The following MMP26 variants were observed in gnomAD, a reference collection of about 807,000 sequenced individuals.
MMP26 encodes matrix metallopeptidase 26, also known as matrix metalloproteinase-26.
A neutral mutation model predicts 31.0 loss-of-function variants in MMP26; 33 were observed. The ratio of observed to expected loss-of-function variants is 1.06; its 90% CI spans 0.81 to 1.42. The LOEUF is 1.42. Among genes scored for constraint, MMP26 ranks in the 40% most tolerant of loss-of-function variants. MMP26 has a pLI of 0.00. For synonymous variants in MMP26, 122 were observed against 114.9 expected, an observed-to-expected ratio of 1.06 and a Z score of -0.40; for missense variants, 347 against 316.1, an observed-to-expected ratio of 1.10 and a Z score of -0.74.
chr11:4,892,842 A>C (rs1205312747), intron 2 of MMP26, among the ~76,000 whole-genome samples: 1 of 152,178 alleles, frequency 6.6e-6, no homozygotes, highest in Non-Finnish European at 1.5e-5. Context: ...AACTGTTCAG[A>C]TCTGTTCCAA....
At chr11:4,825,012 T>A (rs781157247) in intron 2 of MMP26, among the ~76,000 whole-genome samples, 1 of 152,088 alleles carries the variant, frequency 6.6e-6, no homozygotes. Flanking sequence ...AAAATGTTAA[T>A]AAAAATCCTC....
chr11:4,838,179 G>T lies in MMP26; in HGVS notation c.-145+70838G>T, dbSNP rs1276654699. On this transcript the variant is annotated intron_variant, in intron 2 of 7. Transcript: ENST00000380390. ...AAAAATACAAAAAAATTAGCCGGGC[G>T]TGGTGGTGGGTGCCCGTAGTCCCAG... Among the ~76,000 whole-genome samples, 3 of 150,542 alleles carry T rather than the reference G, an allele frequency of 2.0e-5. No individual in the cohort carries two copies. In the Middle Eastern group the frequency reaches 0.011, roughly 530 times the overall value.
At chr11:4,969,922 G>C (rs139209473) in intron 2 of MMP26, among the ~76,000 whole-genome samples, 1 of 152,098 alleles carries the variant, frequency 6.6e-6, no homozygotes, top group Non-Finnish European at 1.5e-5. Flanking sequence ...GGAATTTTAG[G>C]AATATTTCAT....
At chr11:4,725,665 T>C (rs1848089241) in intron 1 of MMP26, among the ~76,000 whole-genome samples, 1 of 152,222 alleles carries the variant, frequency 6.6e-6, no homozygotes, top group South Asian at 2.1e-4. Flanking sequence ...GTTAAGATTT[T>C]ATTCACTCTC....
intron 2 of MMP26, among the ~76,000 whole-genome samples, chr11:4,868,699 C>T (rs1279960475): frequency 6.6e-6 from 1 of 152,108 alleles, no homozygotes; most frequent in Non-Finnish European, 1.5e-5. Context: ...ACTTTCTTCA[C>T]AGAATTGGAA....
intron 2 of MMP26, among the ~76,000 whole-genome samples, chr11:4,807,005 G>A (rs1233922524): frequency 2.0e-5 from 3 of 152,044 alleles, no homozygotes; most frequent in Admixed American, 1.3e-4. Flanking sequence ...CCTCATTGCT[G>A]TACGAGGCAA....
intron 2 of MMP26, chr11:4,882,573 G>T: frequency 1.2e-6 from 2 of 1,613,784 alleles, no homozygotes; most frequent in African/African-American, 1.3e-5. Flanking sequence ...CTGATCCTCC[G>T]TACTGTTCTG....
chr11:4,804,164 C>T lies in MMP26; in HGVS notation c.-145+36823C>T, dbSNP rs1012461941. 8.7e-6 allele frequency: 14 copies of T among 1,614,122 alleles called. No homozygotes were observed. In the Admixed American group the frequency reaches 1.5e-4, roughly 17 times the overall value. ...TGAGTGGAGGAGGAGAGGACCAGGT[C>T]AGTGATGGCCAGCATGGCCAGAAAG... On this transcript the variant is annotated intron_variant, in intron 2 of 7. Coordinates refer to ENST00000380390, the MANE Select transcript of MMP26 (RefSeq NM_021801.5).
intron 2 of MMP26, chr11:4,946,141 T>C (rs746799086): frequency 1.2e-6 from 2 of 1,604,248 alleles, no homozygotes; most frequent in Admixed American, 3.3e-5. Context: ...TTTCCAGGTT[T>C]TCTGTCACAT....
At chr11:4,919,256 G>C (rs562274721) in intron 2 of MMP26, 1 of 152,310 alleles carries the variant, frequency 6.6e-6, no homozygotes, top group South Asian at 2.1e-4. Context: ...CTCGGGCTCA[G>C]CCTTCTGGGA....
intron 2 of MMP26, among the ~76,000 whole-genome samples, chr11:4,820,084 A>G (rs1247541958): frequency 3.9e-5 from 6 of 152,174 alleles, no homozygotes; most frequent in Non-Finnish European, 7.3e-5. Context: ...CACACGGACC[A>G]TAGTATGTCT....
intron 1 of MMP26, chr11:4,723,065 T>C: frequency 8.3e-7 from 1 of 1,205,890 alleles, no homozygotes; most frequent in Non-Finnish European, 1.2e-6. Context: ...CAGCTCCTGG[T>C]ACCCATGCAG....
In MMP26 at chr11:4,988,246, T is replaced by C; in HGVS notation, c.35T>C (p.Leu12Ser). The C allele has an allele frequency of 6.2e-7, 1 of 1,614,132 alleles. No homozygotes were observed. The highest frequency in any genetic ancestry group is 2.2e-5 in the East Asian group (1 of 44,868). Residue 12 changes from leucine to serine, a missense_variant, in exon 3 of 8, where the codon TTG (leucine) becomes TCG (serine). Leu to Ser is a moderately radical substitution (Grantham distance 145, BLOSUM62 -2). Transcript: ENST00000380390. Reference sequence around the variant, plus strand: ...GTCATCTTAAGAGTTACTATCTTCTTGCCCTGGTGTTTCGCCGTTCCAGTG... The same window carrying C: ...GTCATCTTAAGAGTTACTATCTTCTCGCCCTGGTGTTTCGCCGTTCCAGTG... ...QLVILRVTIF[L>S]PWCFAVPVPP...
At chr11:4,889,488 T>C (rs1412173767) in intron 2 of MMP26, 2 of 152,226 alleles carry the variant, frequency 1.3e-5, no homozygotes, top group Non-Finnish European at 2.9e-5. Context: ...GCCAACTGTG[T>C]ATGAATAATT....
In MMP26 at chr11:4,935,745, C is replaced by T. The variant is rs1227278152; in HGVS notation, c.-144-52323C>T. Among the ~76,000 whole-genome samples the T allele has an allele frequency of 3.7e-3, 544 of 146,602 alleles. 1 individual carries two copies. The highest frequency in any genetic ancestry group is 4.6e-3 in the Non-Finnish European group (300 of 64,908). ...AGATAGCTCTTATCATTTTGAAATA[C>T]GTCCCATCAATACCTAATTTATTGA... On this transcript the variant is annotated intron_variant, in intron 2 of 7. Transcript: ENST00000380390.
intron 2 of MMP26, among the ~76,000 whole-genome samples, chr11:4,896,362 A>T (rs1850703936): frequency 6.6e-6 from 1 of 152,154 alleles, no homozygotes; most frequent in African/African-American, 2.4e-5. Context: ...TTTTCCTCTC[A>T]TGGGACACCA....
At position 4,840,062 on chromosome 11, in the gene MMP26, C is replaced by A. The variant is rs559814635; in HGVS notation, c.-145+72721C>A. 1.1e-4 allele frequency among the ~76,000 whole-genome samples: 17 copies of A among 152,182 alleles called. No individual in the cohort carries two copies. The South Asian group carries it at 3.5e-3, about 32-fold the overall frequency. Reference sequence around the variant, plus strand: ...CAGTACTCCTCATGGCCAGTAGTGGCAGGTGGCTACAGGATGAGGGTCCTT... The same window carrying A: ...CAGTACTCCTCATGGCCAGTAGTGGAAGGTGGCTACAGGATGAGGGTCCTT... On this transcript the variant is annotated intron_variant, in intron 2 of 7. Coordinates refer to ENST00000380390, the MANE Select transcript of MMP26 (RefSeq NM_021801.5).
At chr11:4,907,109 A>AAAAAAAAAAAAAT (rs1564804260) in intron 2 of MMP26, among the ~76,000 whole-genome samples, 1 of 150,790 alleles carries the variant, frequency 6.6e-6, no homozygotes, top group South Asian at 2.1e-4. Context: ...AAAAAAAAAA[A>AAAAAAAAAAAAAT]AAAAAATCCT....
At chr11:4,865,558 C>G (rs1377451234) in intron 2 of MMP26, among the ~76,000 whole-genome samples, 1 of 152,078 alleles carries the variant, frequency 6.6e-6, no homozygotes, top group South Asian at 2.1e-4. Context: ...AAATACCACT[C>G]TCCCACCATT....
Sources: gnomAD v4.1 joint callset for allele counts (sites outside exome capture counted in the v4.1 genomes callset) on GRCh38, gnomAD v4.1.1 for gene constraint, MANE v1.5 for transcripts, NCBI Gene and HGNC (gene_info 2026-07-23, HGNC 2026-07-21) for gene names.